Variants in SSBP3 observed in about 807,000 individuals in gnomAD.
SSBP3 encodes the protein single-stranded DNA-binding protein 3.
In SSBP3, 5 loss-of-function variants were observed where a neutral mutation model predicts 69.6. That is an observed-to-expected ratio of 0.07 (90% CI 0.04 to 0.15). The LOEUF (loss-of-function observed/expected upper bound fraction) is 0.15, where lower values mean the gene tolerates loss of function less well. SSBP3 is among the 10% of genes least tolerant of loss of function. The probability of loss-of-function intolerance (pLI) is 1.00; values close to 1 mark genes in which losing one functional copy is unlikely to be tolerated. For synonymous variants in SSBP3, 196 were observed against 193.4 expected, an observed-to-expected ratio of 1.01 and a Z score of -0.11; for missense variants, 312 against 534.0, an observed-to-expected ratio of 0.58 and a Z score of 4.10.
intron 4 of SSBP3, among the ~76,000 whole-genome samples, chr1:54,380,044 G>C (rs1464954733): frequency 2.0e-5 from 3 of 152,202 alleles, no homozygotes; most frequent in Non-Finnish European, 4.4e-5. Context: ...CCAGGGGTGA[G>C]AGGGCTCTCT....
At chr1:54,310,863 G>A (rs1334157226) in intron 4 of SSBP3, among the ~76,000 whole-genome samples, 1 of 152,228 alleles carries the variant, frequency 6.6e-6, no homozygotes, top group Non-Finnish European at 1.5e-5. Flanking sequence ...TGCAGTGAGG[G>A]AGCTGAGCTG....
chr1:54,278,971 CAG>C (rs948266265), intron 5 of SSBP3, among the ~76,000 whole-genome samples: 4 of 152,236 alleles, frequency 2.6e-5, no homozygotes, highest in African/African-American at 9.6e-5. Flanking sequence ...TACCTCCTTC[CAG>C]AGAGATACCC....
chr1:54,330,003 C>T (rs1379538634), intron 4 of SSBP3, among the ~76,000 whole-genome samples: 4 of 152,146 alleles, frequency 2.6e-5, no homozygotes, highest in African/African-American at 9.7e-5. Context: ...TCACACCTGG[C>T]GCCCCACCAT....
At chr1:54,318,824 C>A (rs1395931551) in intron 4 of SSBP3, among the ~76,000 whole-genome samples, 2 of 152,166 alleles carry the variant, frequency 1.3e-5, no homozygotes, top group Non-Finnish European at 2.9e-5. Context: ...ACCAGCCTTA[C>A]CTATGCCAGT....
At chr1:54,311,080 CTT>C (rs2100277476) in intron 4 of SSBP3, among the ~76,000 whole-genome samples, 1 of 152,302 alleles carries the variant, frequency 6.6e-6, no homozygotes, top group African/African-American at 2.4e-5. Flanking sequence ...CGATGGCTGA[CTT>C]CTTTAGCCTG....
At chr1:54,342,350 A>C (rs1646623490) in intron 4 of SSBP3, among the ~76,000 whole-genome samples, 1 of 152,272 alleles carries the variant, frequency 6.6e-6, no homozygotes, top group South Asian at 2.1e-4. Flanking sequence ...ATTTTTAAAA[A>C]GAAAGCCCTG....
At chr1:54,340,450 T>C (rs926116526) in intron 4 of SSBP3, among the ~76,000 whole-genome samples, 16 of 152,148 alleles carry the variant, frequency 1.1e-4, no homozygotes, top group Non-Finnish European at 2.9e-5. Context: ...TCTCCCCAAG[T>C]TGTGGGCATA....
intron 4 of SSBP3, among the ~76,000 whole-genome samples, chr1:54,319,151 C>T (rs1646169106): frequency 6.6e-6 from 1 of 152,142 alleles, no homozygotes. Context: ...CTTTCTAATC[C>T]TTCTAATAAC....
intron 4 of SSBP3, among the ~76,000 whole-genome samples, chr1:54,382,021 C>T (rs1250347260): frequency 6.6e-6 from 1 of 152,128 alleles, no homozygotes; most frequent in Admixed American, 6.5e-5. Context: ...TGGTGAAACC[C>T]CATCGCTACT....
At chr1:54,407,206 T>C (rs941261356), upstream of SSBP3, among the ~76,000 whole-genome samples, 4 of 151,990 alleles carry the variant, frequency 2.6e-5, no homozygotes, top group South Asian at 2.1e-4. Context: ...GGGAGAGTGA[T>C]TTCTCCCAAA....
At chr1:54,389,174 C>T (rs1301475946) in intron 4 of SSBP3, among the ~76,000 whole-genome samples, 1 of 152,168 alleles carries the variant, frequency 6.6e-6, no homozygotes, top group Non-Finnish European at 1.5e-5. Context: ...TCATCAGCAG[C>T]TATATAGTTC....
At chr1:54,287,028 A>C (rs540348569) in intron 4 of SSBP3, 1 of 152,302 alleles carries the variant, frequency 6.6e-6, no homozygotes, top group African/African-American at 2.4e-5. Context: ...TTCCTTCAAG[A>C]AGCAATGGTC....
intron 4 of SSBP3, among the ~76,000 whole-genome samples, chr1:54,284,893 T>C (rs1032501824): frequency 6.6e-6 from 1 of 152,128 alleles, no homozygotes; most frequent in African/African-American, 2.4e-5. Flanking sequence ...GAACTGAAGG[T>C]AGTGGATGGT....
intron 14 of SSBP3, 28 bp from the exon 15 acceptor site, chr1:54,228,854 C>T (rs1644333267): frequency 1.2e-6 from 2 of 1,604,222 alleles, no homozygotes; most frequent in South Asian, 1.1e-5. Context: ...GGCATGGCAG[C>T]TCAGCGGGCC....
intron 4 of SSBP3, among the ~76,000 whole-genome samples, chr1:54,360,049 T>C (rs1025680366): frequency 1.3e-5 from 2 of 152,190 alleles, no homozygotes; most frequent in African/African-American, 2.4e-5. Flanking sequence ...ACATATACCA[T>C]GTGCTCAAAG....
At chr1:54,241,097 C>T (rs1644629335) in intron 12 of SSBP3, 138 bp from the exon 13 acceptor site, 19 of 942,956 alleles carry the variant, frequency 2.0e-5, no homozygotes, top group Non-Finnish European at 3.0e-5. Flanking sequence ...ACCCCCAGCG[C>T]TCACTCAAAG....
At chr1:54,228,551 C>T in intron 15 of SSBP3, 74 bp from the exon 16 acceptor site, 1 of 1,594,422 alleles carries the variant, frequency 6.3e-7, no homozygotes, top group Non-Finnish European at 8.6e-7. Flanking sequence ...GTCCTGGGCT[C>T]CTCGGGCCTC....
At chr1:54,239,050 T>C (rs1644556482) in intron 14 of SSBP3, 79 bp downstream of exon 14, 2 of 1,243,506 alleles carry the variant, frequency 1.6e-6, no homozygotes, top group East Asian at 4.7e-5. Flanking sequence ...TCAATTAAAC[T>C]TGCTTTCCCC....
chr1:54,391,298 G>C (rs1373681647), intron 4 of SSBP3, among the ~76,000 whole-genome samples: 1 of 152,200 alleles, frequency 6.6e-6, no homozygotes, highest in Non-Finnish European at 1.5e-5. Flanking sequence ...TCATTTTGCA[G>C]ACACCAGACA....
Sources: allele counts gnomAD v4.1 joint callset (sites outside exome capture counted in the v4.1 genomes callset), GRCh38; gene constraint gnomAD v4.1.1; transcripts MANE v1.5; gene names NCBI Gene and HGNC (gene_info 2026-07-23, HGNC 2026-07-21).